Variants in LAMA2 observed in about 807,000 individuals in gnomAD.
LAMA2 encodes the protein laminin subunit alpha-2.
Under a neutral mutation model 364.8 loss-of-function variants are expected in LAMA2, and 269 were observed. The ratio of observed to expected loss-of-function variants is 0.74; its 90% CI spans 0.67 to 0.82. LAMA2 has a LOEUF of 0.82. Ranked by LOEUF, LAMA2 falls within the 40% of genes least tolerant of loss-of-function variation. The pLI is 0.00. For missense variants in LAMA2, 3,807 were observed against 3,873.2 expected (o/e 0.98, Z 0.45); for synonymous variants, 1,379 against 1,370.6 (o/e 1.01, Z -0.14).
intron 1 of LAMA2, among the ~76,000 whole-genome samples, chr6:128,886,686 A>C (rs1461912960): frequency 6.6e-6 from 1 of 152,186 alleles, no homozygotes; most frequent in Non-Finnish European, 1.5e-5. Flanking sequence ...TATGTTAAAG[A>C]GGGACTATTC....
At chr6:128,925,537 C>A (rs762653886) in intron 1 of LAMA2, among the ~76,000 whole-genome samples, 1 of 151,982 alleles carries the variant, frequency 6.6e-6, no homozygotes, top group African/African-American at 2.4e-5. Flanking sequence ...TAATGAGTAC[C>A]GAGTTTCAGT....
At chr6:128,998,018 A>G (rs1784103480) in intron 1 of LAMA2, among the ~76,000 whole-genome samples, 1 of 152,140 alleles carries the variant, frequency 6.6e-6, no homozygotes, top group African/African-American at 2.4e-5. Context: ...AGTTATTATA[A>G]CAGAGTCCAA....
Position 128,990,727 on chromosome 6 carries a change from A to C in LAMA2, c.113-59191A>C, listed in dbSNP as rs1397228722. On this transcript the variant is annotated intron_variant, in intron 1 of 64. Coordinates refer to ENST00000421865, the MANE Select transcript of LAMA2 (RefSeq NM_000426.4). Reference sequence around the variant, plus strand: ...ATTAGGGAGTTTATTGTTTATTAAAAAGCTTTAATCTGAACTACTTTCATT... The same window carrying C: ...ATTAGGGAGTTTATTGTTTATTAAACAGCTTTAATCTGAACTACTTTCATT... Among the ~76,000 whole-genome samples the C allele has an allele frequency of 3.3e-5, 5 of 152,070 alleles. No individual in the cohort carries two copies. In the South Asian group the frequency reaches 6.2e-4, roughly 19 times the overall value.
chr6:128,903,473 T>C (rs998943492), intron 1 of LAMA2, among the ~76,000 whole-genome samples: 3 of 152,230 alleles, frequency 2.0e-5, no homozygotes, highest in African/African-American at 7.2e-5. Context: ...CCTGATTTCC[T>C]GGTGGCTTTT....
At chr6:128,952,902 C>T (rs1248593362) in intron 1 of LAMA2, among the ~76,000 whole-genome samples, 1 of 152,198 alleles carries the variant, frequency 6.6e-6, no homozygotes, top group East Asian at 1.9e-4. Context: ...ACTCTCCCCT[C>T]TCTCTTCTAA....
chr6:129,192,187 T>C (rs1781557108), intron 11 of LAMA2, among the ~76,000 whole-genome samples: 1 of 152,224 alleles, frequency 6.6e-6, no homozygotes, highest in Non-Finnish European at 1.5e-5. Context: ...AACACCACCT[T>C]TCAGGTACTT....
chr6:129,375,079 C>T (rs1165697285), intron 34 of LAMA2, among the ~76,000 whole-genome samples: 1 of 151,944 alleles, frequency 6.6e-6, no homozygotes, highest in Admixed American at 6.6e-5. Flanking sequence ...TCCCTAATAT[C>T]CCTGGGTAAA....
intron 7 of LAMA2, among the ~76,000 whole-genome samples, chr6:129,153,107 T>C (rs1778911514): frequency 6.6e-6 from 1 of 152,232 alleles, no homozygotes; most frequent in Admixed American, 6.5e-5. Context: ...TCTTCATATT[T>C]AGAAGAGTCT....
At chr6:129,326,553 G>A (rs926238657) in intron 28 of LAMA2, among the ~76,000 whole-genome samples, 10 of 151,344 alleles carry the variant, frequency 6.6e-5, no homozygotes, top group Non-Finnish European at 1.2e-4. Context: ...CTCTCAATTT[G>A]TGTGATTTTT....
chr6:129,260,417 G>A (rs977791916), intron 14 of LAMA2, among the ~76,000 whole-genome samples: 1 of 152,048 alleles, frequency 6.6e-6, no homozygotes, highest in Non-Finnish European at 1.5e-5. Context: ...TTTTAAAAAT[G>A]TCTGTCTCCA....
At chr6:129,360,776 G>A (rs1206516690) in intron 32 of LAMA2, among the ~76,000 whole-genome samples, 1 of 152,172 alleles carries the variant, frequency 6.6e-6, no homozygotes, top group Non-Finnish European at 1.5e-5. Flanking sequence ...ATGGGCAGGG[G>A]ATAGAATAAA....
At chr6:129,438,621 C>T in intron 41 of LAMA2, 25 bp from the exon 42 acceptor site, 1 of 1,150,062 alleles carries the variant, frequency 8.7e-7, no homozygotes, top group Non-Finnish European at 1.3e-6. Context: ...CTTATTTAAT[C>T]CTTTTTTTTG....
Position 129,503,050 on chromosome 6 carries a change from T to A in LAMA2, c.8358-41T>A, listed in dbSNP as rs367813219. The A allele has an allele frequency of 1.2e-5, 19 of 1,559,278 alleles. No individual in the cohort carries two copies. In the Admixed American group the frequency reaches 2.5e-4, roughly 21 times the overall value. On this transcript the variant is annotated intron_variant, in intron 59 of 64. Transcript: ENST00000421865. The stretch of plus-strand genomic sequence containing the variant: ...CCGCTCTATTTTAGCATGAGAATGC[T>A]GTTATTTTTCTGTTTGACTTTGCAT...
At chr6:129,125,400 T>C (rs573067771) in intron 4 of LAMA2, among the ~76,000 whole-genome samples, 1 of 152,214 alleles carries the variant, frequency 6.6e-6, no homozygotes, top group East Asian at 1.9e-4. Flanking sequence ...ACCCAGGAAG[T>C]ACAAGAAGAC....
At chr6:128,996,772 C>T (rs1330810287) in intron 1 of LAMA2, among the ~76,000 whole-genome samples, 1 of 152,226 alleles carries the variant, frequency 6.6e-6, no homozygotes, top group Non-Finnish European at 1.5e-5. Flanking sequence ...CATCCCATTA[C>T]TGGGTATTTA....
chr6:128,946,420 G>A (rs558929053), intron 1 of LAMA2, among the ~76,000 whole-genome samples: 14 of 152,302 alleles, frequency 9.2e-5, no homozygotes, highest in African/African-American at 3.4e-4. Context: ...GGTGGACTGG[G>A]ATCCTCAGCT....
chr6:129,104,000 T>TCCTC (rs1417650601), intron 4 of LAMA2, among the ~76,000 whole-genome samples: 1 of 151,552 alleles, frequency 6.6e-6, no homozygotes, highest in South Asian at 2.1e-4. Flanking sequence ...CTCTCTGCCT[T>TCCTC]CCTCCCTTCC....
chr6:129,138,830 T>C (rs1425312978), intron 4 of LAMA2, among the ~76,000 whole-genome samples: 3 of 152,102 alleles, frequency 2.0e-5, no homozygotes, highest in African/African-American at 7.2e-5. Context: ...TAAATGAGTA[T>C]GTGAGGACAG....
At chr6:129,273,125 A>C (rs1443043361) in intron 17 of LAMA2, among the ~76,000 whole-genome samples, 1 of 152,194 alleles carries the variant, frequency 6.6e-6, no homozygotes, top group African/African-American at 2.4e-5. Context: ...TTACTATAGG[A>C]GAACAAATGA....
Sources: gnomAD v4.1 joint callset for allele counts (sites outside exome capture counted in the v4.1 genomes callset) on GRCh38, gnomAD v4.1.1 for gene constraint, MANE v1.5 for transcripts, NCBI Gene and HGNC (gene_info 2026-07-23, HGNC 2026-07-21) for gene names.